STK4: variants seen among roughly 807,000 people sequenced by gnomAD.
The protein encoded by STK4 is serine/threonine kinase 4, also known as serine/threonine-protein kinase 4.
In STK4, 30 loss-of-function variants were observed where a neutral mutation model predicts 64.9. The observed-to-expected ratio is 0.46, with a 90% CI of 0.35 to 0.63. The LOEUF (loss-of-function observed/expected upper bound fraction) is 0.63. STK4 is among the 20% of genes least tolerant of loss of function. STK4 has a pLI of 0.01. For synonymous variants in STK4, 177 were observed against 199.0 expected (o/e 0.89, Z 0.93); for missense variants, 466 against 598.5 (o/e 0.78, Z 2.31).
intron 10 of STK4, among the ~76,000 whole-genome samples, chr20:45,054,926 CCTT>C (rs757582518): frequency 5.9e-5 from 9 of 152,164 alleles, no homozygotes; most frequent in African/African-American, 9.7e-5. Context: ...CAGAGCTTAA[CCTT>C]CTCTCCCACC....
chr20:44,978,049 A>T (rs1185718196), intron 2 of STK4, among the ~76,000 whole-genome samples: 1 of 152,230 alleles, frequency 6.6e-6, no homozygotes, highest in Non-Finnish European at 1.5e-5. Context: ...AACTTATGTG[A>T]CCTTGGGCAA....
chr20:45,071,500 T>G (rs777565570), intron 10 of STK4, among the ~76,000 whole-genome samples: 1 of 152,194 alleles, frequency 6.6e-6, no homozygotes, highest in Non-Finnish European at 1.5e-5. Context: ...AGATGTAACT[T>G]AAGCCCCAAA....
At chr20:45,023,047 C>A (rs1298463742) in intron 9 of STK4, among the ~76,000 whole-genome samples, 1 of 152,116 alleles carries the variant, frequency 6.6e-6, no homozygotes, top group African/African-American at 2.4e-5. Context: ...TTTGTTACCA[C>A]AATAAAGTGG....
rs928478776 is a variant in STK4 at position 45,075,989 on chromosome 20, T to G, written c.*813T>G. 6.6e-6 allele frequency: 1 copy of G among 152,642 alleles called. No individual in the cohort carries two copies. The highest frequency in any genetic ancestry group is 1.5e-5 in the Non-Finnish European group (1 of 68,052). The allele number at this position is 152,642 out of a possible 1,614,324, so 9.5% of individuals were successfully genotyped here. A position where few individuals can be genotyped will look rare whatever the true frequency, so the allele number is the denominator to read the frequency against. On this transcript the variant is annotated 3_prime_UTR_variant, in exon 11 of 11. Coordinates refer to ENST00000372806, the MANE Select transcript of STK4 (RefSeq NM_006282.5). ...CTGCCCAGTGCCTTAAGAGGAGACA[T>G]GATCTCTACCAGGGACTCTCAGCAA... is the stretch of plus-strand genomic sequence containing the variant.
chr20:45,059,596 T>C (rs764591803), intron 10 of STK4, among the ~76,000 whole-genome samples: 15 of 152,192 alleles, frequency 9.9e-5, no homozygotes, highest in Non-Finnish European at 1.9e-4. Context: ...GATTTCATCA[T>C]GCGTCTCAGA....
Position 45,075,178 on chromosome 20 carries a change from C to T in STK4, c.*2C>T. On this transcript the variant is annotated 3_prime_UTR_variant, in exon 11 of 11. Transcript: ENST00000372806. Reference sequence around the variant, plus strand: ...AAGAGACGGCAACAAAACTTCTGAGCAAGGCCAGGCTGTGAGGGCCCCAGC... The same window carrying T: ...AAGAGACGGCAACAAAACTTCTGAGTAAGGCCAGGCTGTGAGGGCCCCAGC... 1 of 1,613,146 alleles carries T rather than the reference C, an allele frequency of 6.2e-7. No individual in the cohort carries two copies. The highest frequency in any genetic ancestry group is 8.5e-7 in the Non-Finnish European group (1 of 1,179,864).
chr20:45,015,504 G>T (rs1037255484), intron 9 of STK4, among the ~76,000 whole-genome samples: 1 of 152,146 alleles, frequency 6.6e-6, no homozygotes, highest in Non-Finnish European at 1.5e-5. Flanking sequence ...GTATTGTGTT[G>T]GTGTATGCTT....
rs139807325 is a variant in STK4 at position 45,031,048 on chromosome 20, A to C, written c.1305+5918A>C. Among the ~76,000 whole-genome samples the C allele has an allele frequency of 5.2e-4, 79 of 152,318 alleles. 1 individual carries two copies. The East Asian group carries it at 0.014, about 28-fold the overall frequency. On this transcript the variant is annotated intron_variant, in intron 10 of 10. Coordinates refer to ENST00000372806, the MANE Select transcript of STK4 (RefSeq NM_006282.5). Reference sequence around the variant, plus strand: ...CATCTCTATTACAAAAATAAAAAAAAGATGGCCCAAGTGCCAACAGTGGTG... The same window carrying C: ...CATCTCTATTACAAAAATAAAAAAACGATGGCCCAAGTGCCAACAGTGGTG...
intron 10 of STK4, 113 bp from the exon 11 acceptor site, chr20:45,074,905 A>T: frequency 7.8e-7 from 1 of 1,285,724 alleles, no homozygotes; most frequent in Non-Finnish European, 1.1e-6. Context: ...ATCTGACCAC[A>T]GTGTCTTCCT....
At position 45,075,468 on chromosome 20, in the gene STK4, T is replaced by A. The variant is rs1980441042; in HGVS notation, c.*292T>A. ...CCTAGTTGAGTGATAGCTGGGAAAG[T>A]TTTACATTGTCTGTTTTTCTTCTCC... On this transcript the variant is annotated 3_prime_UTR_variant, in exon 11 of 11. Coordinates refer to ENST00000372806, the MANE Select transcript of STK4 (RefSeq NM_006282.5). The A allele has an allele frequency of 8.7e-6, 2 of 230,560 alleles. No homozygotes were observed. The highest frequency in any genetic ancestry group is 5.1e-5 in the Admixed American group (1 of 19,570). The allele number at this position is 230,560 out of a possible 1,614,324, so 14.3% of individuals were successfully genotyped here.
intron 4 of STK4, 83 bp from the exon 5 acceptor site, chr20:44,987,049 A>G: frequency 8.5e-7 from 1 of 1,170,750 alleles, no homozygotes; most frequent in Non-Finnish European, 1.2e-6. Flanking sequence ...TATATTAAAG[A>G]AAGGTTTGGA....
At position 44,984,223 on chromosome 20, in the gene STK4, C is replaced by T. The variant is rs1236548363; in HGVS notation, c.360+2280C>T. Among the ~76,000 whole-genome samples the T allele has an allele frequency of 2.5e-4, 28 of 112,648 alleles. 1 individual carries two copies. Among genetic ancestry groups the T allele is most frequent in the African/African-American group, 9.6e-4 (28 of 29,064 alleles). The allele number at this position is 112,648 out of a possible 152,430, so 73.9% of individuals were successfully genotyped here. On this transcript the variant is annotated intron_variant, in intron 4 of 10. Transcript: ENST00000372806. ...TTTTTTTTTTTTGAGACAGAGTCTC[C>T]TTGCTCTGTTGCCCAGGCTGGAGTG...
chr20:45,064,044 G>A (rs1422935943), intron 10 of STK4, among the ~76,000 whole-genome samples: 2 of 151,366 alleles, frequency 1.3e-5, no homozygotes, highest in Non-Finnish European at 2.9e-5. Flanking sequence ...TCTTGACCTC[G>A]TGATCTGCCC....
chr20:45,040,770 T>A (rs1305985260), intron 10 of STK4, among the ~76,000 whole-genome samples: 1 of 152,092 alleles, frequency 6.6e-6, no homozygotes, highest in Non-Finnish European at 1.5e-5. Flanking sequence ...CCAGGAAATG[T>A]GTTTATTACA....
chr20:45,050,050 T>C (rs1820018270), intron 10 of STK4, among the ~76,000 whole-genome samples: 1 of 152,154 alleles, frequency 6.6e-6, no homozygotes, highest in African/African-American at 2.4e-5. Context: ...ATGAGCTCCT[T>C]TGTATCTACT....
chr20:44,998,530 G>T (rs1052459929), intron 7 of STK4, among the ~76,000 whole-genome samples: 1 of 152,026 alleles, frequency 6.6e-6, no homozygotes, highest in Non-Finnish European at 1.5e-5. Context: ...TATAACCAAT[G>T]TATATATTTA....
At chr20:44,984,102 T>G (rs1370298177) in intron 4 of STK4, among the ~76,000 whole-genome samples, 1 of 151,702 alleles carries the variant, frequency 6.6e-6, no homozygotes, top group African/African-American at 2.4e-5. Context: ...CTTTTGGTTT[T>G]TTTTTGCCAT....
chr20:45,040,870 C>T (rs1286647475), intron 10 of STK4, among the ~76,000 whole-genome samples: 1 of 152,094 alleles, frequency 6.6e-6, no homozygotes, highest in African/African-American at 2.4e-5. Flanking sequence ...GTAATCCTTT[C>T]CCCCATGCCA....
chr20:45,027,234 G>A (rs548103066), intron 10 of STK4, among the ~76,000 whole-genome samples: 9 of 152,182 alleles, frequency 5.9e-5, no homozygotes, highest in Non-Finnish European at 1.2e-4. Context: ...TTCGAGGCTA[G>A]CCTGACCAAC....
Sources: gnomAD v4.1 joint callset for allele counts (sites outside exome capture counted in the v4.1 genomes callset) on GRCh38, gnomAD v4.1.1 for gene constraint, MANE v1.5 for transcripts, NCBI Gene and HGNC (gene_info 2026-07-23, HGNC 2026-07-21) for gene names.